Variants in STXBP2 observed in about 807,000 individuals in gnomAD.
STXBP2 encodes syntaxin binding protein 2.
STXBP2 carries 47 observed loss-of-function variants against 72.2 expected under a neutral mutation model. That is an observed-to-expected ratio of 0.65 (90% CI 0.51 to 0.83). STXBP2 has a LOEUF of 0.83. Ranked by LOEUF, STXBP2 falls within the 40% of genes least tolerant of loss-of-function variation. The pLI, the probability that STXBP2 is intolerant of heterozygous loss-of-function variation, is 0.00. For missense variants in STXBP2, 702 were observed against 807.6 expected (o/e 0.87, Z 1.58); for synonymous variants, 367 against 338.7 (o/e 1.08, Z -0.92).
chr19:7,639,422 G>A (rs2031698085), intron 3 of STXBP2: 2 of 576,262 alleles, frequency 3.5e-6, no homozygotes, highest in Non-Finnish European at 6.2e-6. Flanking sequence ...CAAGAATGCA[G>A]AGCCTTCTAT....
intron 6 of STXBP2, chr19:7,641,265 G>A (rs1338730532): frequency 1.9e-6 from 1 of 539,486 alleles, no homozygotes; most frequent in Non-Finnish European, 3.4e-6. Flanking sequence ...AGCTACTCAT[G>A]GGGCTGGGGT....
chr19:7,646,412 C>A, intron 16 of STXBP2, 68 bp downstream of exon 16: 1 of 1,391,542 alleles, frequency 7.2e-7, no homozygotes, highest in Non-Finnish European at 1.0e-6. Context: ...CTCCCTCCTG[C>A]TGAGGTGCTA....
chr19:7,638,422 C>T (rs893511837), intron 1 of STXBP2, among the ~76,000 whole-genome samples: 6 of 152,068 alleles, frequency 3.9e-5, no homozygotes, highest in East Asian at 1.9e-4. Context: ...GGCAACATAG[C>T]GAGACCCCAT....
At chr19:7,640,156 C>T in intron 4 of STXBP2, 1 of 506,432 alleles carries the variant, frequency 2.0e-6, no homozygotes, top group Non-Finnish European at 3.7e-6. Flanking sequence ...CTGTGTGCAT[C>T]TGTATGTGTG....
upstream of STXBP2, chr19:7,632,746 G>T: frequency 6.4e-7 from 1 of 1,565,422 alleles, no homozygotes. This position sits in a 1 kb window ranked among gnomAD's most constrained non-coding sequence, Gnocchi z 5.2. Context: ...GGCCCGGCTT[G>T]CAGTGAACAG....
chr19:7,632,159 C>A, upstream of STXBP2: 1 of 673,122 alleles, frequency 1.5e-6, no homozygotes, highest in Non-Finnish European at 2.4e-6. The surrounding 1 kb of genome is among the most constrained non-coding windows in gnomAD (Gnocchi z 5.2). Context: ...CCAGAACCTT[C>A]AGACTTGGGG....
upstream of STXBP2, chr19:7,632,736 G>A (rs763897776): frequency 3.8e-6 from 6 of 1,561,372 alleles, no homozygotes; most frequent in South Asian, 1.2e-5. The surrounding 1 kb of genome is among the most constrained non-coding windows in gnomAD (Gnocchi z 5.2). Context: ...GGTCTGGCCC[G>A]GCCCGGCTTG....
intron 13 of STXBP2, among the ~76,000 whole-genome samples, chr19:7,643,584 G>T (rs540216918): frequency 6.6e-6 from 1 of 151,718 alleles, no homozygotes; most frequent in Non-Finnish European, 1.5e-5. Flanking sequence ...GGAGAGGTGC[G>T]ACCTGGGAGA....
intron 4 of STXBP2, chr19:7,640,120 G>C (rs2031756228): frequency 5.2e-6 from 3 of 578,976 alleles, no homozygotes; most frequent in South Asian, 3.1e-5. Flanking sequence ...ATGTGTGTAT[G>C]CGTGTGTATG....
Position 7,647,530 on chromosome 19 carries a change from G to A in STXBP2, c.1696+19G>A. 1 of 1,581,728 alleles carries A rather than the reference G, an allele frequency of 6.3e-7. No homozygotes were observed. The highest frequency in any genetic ancestry group is 8.6e-7 in the Non-Finnish European group (1 of 1,162,690). ...CTCATTGGTAAGTCACCAGGACTGGGACCCTGGGGTCTGGGGCTTGGGTTC... is the reference window on the plus strand; with the variant it reads ...CTCATTGGTAAGTCACCAGGACTGGAACCCTGGGGTCTGGGGCTTGGGTTC... On this transcript the variant is annotated intron_variant, in intron 18 of 18. Transcript: ENST00000221283.
rs200577190 is a variant in STXBP2 at position 7,644,609 on chromosome 19, C to T, written c.1108-5C>T. On this transcript the variant is annotated splice_polypyrimidine_tract_variant and splice_region_variant and intron_variant, in intron 13 of 18. Coordinates refer to ENST00000221283, the MANE Select transcript of STXBP2 (RefSeq NM_006949.4). The stretch of plus-strand genomic sequence containing the variant: ...GCCGGTGGACGGCTGACCCCATGCC[C>T]GCAGGACCTGGCCATGGGCTCCGAC... 3.8e-5 allele frequency: 62 copies of T among 1,611,856 alleles called. No homozygotes were observed. Among genetic ancestry groups the T allele is most frequent in the African/African-American group, 1.7e-4 (13 of 74,984 alleles).
chr19:7,635,219 G>A (rs1265145416), upstream of STXBP2, among the ~76,000 whole-genome samples: 5 of 152,114 alleles, frequency 3.3e-5, no homozygotes, highest in East Asian at 3.8e-4. Flanking sequence ...AGGGTTCCCC[G>A]CCTTCCCCTG....
In STXBP2 at chr19:7,637,137, C is replaced by G; in HGVS notation, c.-13C>G. 8.1e-7 allele frequency: 1 copy of G among 1,240,250 alleles called. No individual in the cohort carries two copies. Among genetic ancestry groups the G allele is most frequent in the Non-Finnish European group, 1.0e-6 (1 of 988,074 alleles). 76.8% of individuals were successfully genotyped at this position (1,240,250 alleles called of 1,614,324 possible). A position where few individuals can be genotyped will look rare whatever the true frequency, so the allele number is the denominator to read the frequency against. On this transcript the variant is annotated 5_prime_UTR_variant, in exon 1 of 19. Coordinates refer to ENST00000221283, the MANE Select transcript of STXBP2 (RefSeq NM_006949.4). ...GACACACCCGGAAGCGGCGGCGGCGCCCCTCGGGGAAGATGGCGCCCTCGG... is the reference window on the plus strand; with the variant it reads ...GACACACCCGGAAGCGGCGGCGGCGGCCCTCGGGGAAGATGGCGCCCTCGG...
intron 16 of STXBP2, 40 bp downstream of exon 16, chr19:7,646,384 A>G (rs368080919): frequency 4.3e-5 from 67 of 1,546,332 alleles, no homozygotes; most frequent in Non-Finnish European, 5.6e-5. Context: ...AGCCCTCCGC[A>G]TCGGCTGGCG....
At chr19:7,640,367 C>G in intron 4 of STXBP2, 1 of 538,964 alleles carries the variant, frequency 1.9e-6, no homozygotes, top group Non-Finnish European at 3.4e-6. Flanking sequence ...TGTGTGTATG[C>G]GTGTGTGTGC....
At position 7,645,218 on chromosome 19, in the gene STXBP2, C is replaced by T; in HGVS notation, c.1268C>T (p.Ala423Val). The change falls in exon 15 of 19, where the codon GCC becomes GTC. Residue 423 changes from alanine to valine, a missense_variant. By Grantham distance (64) the Ala-to-Val change is moderately conservative. Transcript: ENST00000221283. ...LRNGVSEENL[A>V]KLIQHANVQA... ...CCAGGTGTGAGTGAGGAGAACCTGG[C>T]CAAGCTGATCCAGCATGCCAATGTA... 1 of 1,567,818 alleles carries T rather than the reference C, an allele frequency of 6.4e-7. No homozygotes were observed. Among genetic ancestry groups the T allele is most frequent in the Non-Finnish European group, 8.7e-7 (1 of 1,155,212 alleles).
At chr19:7,639,877 CATGCATGTGATTGCATGT>C in intron 4 of STXBP2, 70 bp downstream of exon 4, 1 of 1,514,204 alleles carries the variant, frequency 6.6e-7, no homozygotes, top group Non-Finnish European at 9.0e-7. Flanking sequence ...TGTATGTCTG[CATGCATGTGATTGCATGT>C]GTGCATGTGT....
At position 7,642,126 on chromosome 19, in the gene STXBP2, G is replaced by T. The variant is rs1323135213; in HGVS notation, c.663+8G>T. On this transcript the variant is annotated splice_region_variant and intron_variant, in intron 8 of 18. Coordinates refer to ENST00000221283, the MANE Select transcript of STXBP2 (RefSeq NM_006949.4). The surrounding 1 kb of genome is among the most constrained non-coding windows in gnomAD (Gnocchi z 6.0). ...ACTCCCAGTCTGGGCGAGGTGAGGGGGCGTGCTTGGGAGGTGAGGGGCAGC... is the reference window on the plus strand; with the variant it reads ...ACTCCCAGTCTGGGCGAGGTGAGGGTGCGTGCTTGGGAGGTGAGGGGCAGC... 3.7e-6 allele frequency: 6 copies of T among 1,614,036 alleles called. No homozygotes were observed. In the East Asian group the frequency reaches 1.3e-4, roughly 36 times the overall value.
intron 16 of STXBP2, 32 bp from the exon 17 acceptor site, chr19:7,647,130 G>T (rs777647039): frequency 3.7e-6 from 6 of 1,609,176 alleles, no homozygotes; most frequent in East Asian, 2.2e-5. Context: ...CATGCCTGGG[G>T]TTCCTCCCCT....
Sources: allele counts gnomAD v4.1 joint callset (sites outside exome capture counted in the v4.1 genomes callset), GRCh38; gene constraint gnomAD v4.1.1; non-coding constraint Gnocchi (gnomAD v3.1); transcripts MANE v1.5; gene names NCBI Gene and HGNC (gene_info 2026-07-23, HGNC 2026-07-21).